The following MYO1E variants were observed in gnomAD, a reference collection of about 807,000 sequenced individuals.
MYO1E encodes myosin IE.
Under a neutral mutation model 151.1 loss-of-function variants are expected in MYO1E, and 68 were observed. That is an observed-to-expected ratio of 0.45 (90% CI 0.37 to 0.55). MYO1E has a LOEUF of 0.55. Ranked by LOEUF, MYO1E falls within the 20% of genes least tolerant of loss-of-function variation. MYO1E has a pLI of 0.00. For synonymous variants in MYO1E, 601 were observed against 501.7 expected (o/e 1.20, Z -2.64); for missense variants, 1,363 against 1,389.3 (o/e 0.98, Z 0.30).
chr15:59,176,186 G>C (rs1319735634), intron 19 of MYO1E, among the ~76,000 whole-genome samples: 2 of 152,120 alleles, frequency 1.3e-5, no homozygotes, highest in Non-Finnish European at 2.9e-5. Context: ...AGCCACCTGA[G>C]TAGCTGGGAC....
intron 16 of MYO1E, among the ~76,000 whole-genome samples, chr15:59,196,304 A>C (rs1371103083): frequency 2.0e-5 from 3 of 152,174 alleles, no homozygotes; most frequent in African/African-American, 7.2e-5. Flanking sequence ...CAAGCAGAAA[A>C]AGCCACATAA....
At chr15:59,167,317 G>A (rs1290280055) in intron 22 of MYO1E, among the ~76,000 whole-genome samples, 2 of 152,068 alleles carry the variant, frequency 1.3e-5, no homozygotes, top group African/African-American at 4.8e-5. Flanking sequence ...CATCCTTCTG[G>A]TGATCAGCCA....
chr15:59,184,564 T>C (rs1197023853), intron 18 of MYO1E, among the ~76,000 whole-genome samples: 2 of 152,022 alleles, frequency 1.3e-5, no homozygotes, highest in African/African-American at 2.4e-5. Context: ...TTTCACCACG[T>C]TGGCCAGGCT....
At chr15:59,141,212 G>A (rs2079407021) in intron 26 of MYO1E, among the ~76,000 whole-genome samples, 1 of 152,008 alleles carries the variant, frequency 6.6e-6, no homozygotes, top group South Asian at 2.1e-4. Flanking sequence ...CCACAGAACT[G>A]GGCTACAAGT....
At chr15:59,277,810 T>C (rs888057989) in intron 1 of MYO1E, among the ~76,000 whole-genome samples, 2 of 152,204 alleles carry the variant, frequency 1.3e-5, no homozygotes, top group African/African-American at 4.8e-5. Context: ...TACTGTTTCA[T>C]TGAAAGAGTA....
At chr15:59,155,382 C>T (rs2087123) in intron 25 of MYO1E, among the ~76,000 whole-genome samples, 31,421 of 152,086 alleles carry the variant, frequency 0.21, 3,956 homozygotes, top group African/African-American at 0.36. Flanking sequence ...CATACAAATA[C>T]ATGGTTTGTG....
chr15:59,206,996 CG>C, intron 14 of MYO1E: 1 of 1,614,142 alleles, frequency 6.2e-7, no homozygotes, highest in Non-Finnish European at 8.5e-7. Context: ...TCGGTGGGAG[CG>C]AATTTCCTAT....
Position 59,171,965 on chromosome 15 carries a change from G to A in MYO1E, c.2412C>T (p.Asp804=), listed in dbSNP as rs773010852. ...TCAGGACTTCTTTCACCAGGCCCTT[G>A]TCTGGGCCCTGTTTGACTTTTTCTC... is the stretch of plus-strand genomic sequence containing the variant. The part of the protein sequence containing the change: ...IGREKVKQGP[D]KGLVKEVLKR... Residue 804 remains aspartate (D), a synonymous_variant, in exon 22 of 28, where the codon GAC becomes GAT. Coordinates refer to ENST00000288235, the MANE Select transcript of MYO1E (RefSeq NM_004998.4). The A allele has an allele frequency of 6.2e-7, 1 of 1,614,198 alleles. No individual in the cohort carries two copies. Among genetic ancestry groups the A allele is most frequent in the Non-Finnish European group, 8.5e-7 (1 of 1,180,032 alleles).
intron 4 of MYO1E, among the ~76,000 whole-genome samples, chr15:59,238,714 G>T (rs1190598489): frequency 1.3e-5 from 2 of 151,878 alleles, no homozygotes; most frequent in Non-Finnish European, 2.9e-5. Context: ...TGGGATTACA[G>T]GTGTGCACCA....
chr15:59,174,264 G>C (rs1399805543), intron 19 of MYO1E, 24 bp from the exon 20 acceptor site: 1 of 1,549,006 alleles, frequency 6.5e-7, no homozygotes, highest in Middle Eastern at 1.7e-4. Flanking sequence ...GAAGACAAAT[G>C]TGAGCCAAGC....
intron 4 of MYO1E, among the ~76,000 whole-genome samples, chr15:59,241,641 T>C (rs946670010): frequency 6.6e-6 from 1 of 151,992 alleles, no homozygotes; most frequent in African/African-American, 2.4e-5. Context: ...GGGACAGAGG[T>C]TGCAGTGAGC....
chr15:59,135,346 G>GGCTT lies in MYO1E; in HGVS notation c.*2030_*2033dup, dbSNP rs2079366009. On this transcript the variant is annotated 3_prime_UTR_variant, in exon 28 of 28. Coordinates refer to ENST00000288235, the MANE Select transcript of MYO1E (RefSeq NM_004998.4). ...CAAAGGCTTGTCCCAGCCAGCCAGG[G>GGCTT]GCTTATGATAACAAGGGAAGATGGT... 1 of 151,846 alleles carries GGCTT rather than the reference G, an allele frequency of 6.6e-6. No individual in the cohort carries two copies. Among genetic ancestry groups the GGCTT allele is most frequent in the Non-Finnish European group, 1.5e-5 (1 of 68,046 alleles). 9.4% of individuals were successfully genotyped at this position (151,846 alleles called of 1,614,324 possible).
In MYO1E at chr15:59,135,587, A is replaced by AAGT. The variant is rs2079367512; in HGVS notation, c.*1790_*1792dup. On this transcript the variant is annotated 3_prime_UTR_variant, in exon 28 of 28. Coordinates refer to ENST00000288235, the MANE Select transcript of MYO1E (RefSeq NM_004998.4). ...CCTCTCTGGTCGCAACATGGAACTG[A>AAGT]AGTAGCCTTTTAACATTATTCGTTA... The AAGT allele has an allele frequency of 6.6e-6, 1 of 152,246 alleles. No individual in the cohort carries two copies. Among genetic ancestry groups the AAGT allele is most frequent in the Non-Finnish European group, 1.5e-5 (1 of 68,048 alleles). The allele number at this position is 152,246 out of a possible 1,614,324, so 9.4% of individuals were successfully genotyped here. A position where few individuals can be genotyped will look rare whatever the true frequency, so the allele number is the denominator to read the frequency against.
chr15:59,148,120 T>C (rs1305935853), intron 26 of MYO1E, among the ~76,000 whole-genome samples: 4 of 152,174 alleles, frequency 2.6e-5, no homozygotes, highest in African/African-American at 9.7e-5. Flanking sequence ...AAGAAAACCC[T>C]GAGGAGTGGG....
intron 1 of MYO1E, among the ~76,000 whole-genome samples, chr15:59,288,416 A>C (rs950968646): frequency 2.0e-5 from 3 of 152,158 alleles, no homozygotes; most frequent in African/African-American, 7.2e-5. Context: ...GGTTCAAGCG[A>C]TCTTCCTGCC....
chr15:59,162,856 C>A (rs2079545703), intron 23 of MYO1E, among the ~76,000 whole-genome samples: 2 of 152,214 alleles, frequency 1.3e-5, no homozygotes, highest in South Asian at 2.1e-4. Context: ...ATTAAAAAAA[C>A]CCTTTTTTGG....
At chr15:59,215,952 G>A (rs1424595340) in intron 10 of MYO1E, among the ~76,000 whole-genome samples, 1 of 152,024 alleles carries the variant, frequency 6.6e-6, no homozygotes, top group Non-Finnish European at 1.5e-5. Flanking sequence ...GTAAAATGAG[G>A]GGTCTGGACA....
At chr15:59,189,954 C>T (rs1196428467) in intron 17 of MYO1E, among the ~76,000 whole-genome samples, 1 of 152,234 alleles carries the variant, frequency 6.6e-6, no homozygotes. Flanking sequence ...CCATGCCCCA[C>T]ACCTTGGGGA....
At chr15:59,180,837 T>C (rs2079654245) in intron 18 of MYO1E, among the ~76,000 whole-genome samples, 1 of 152,206 alleles carries the variant, frequency 6.6e-6, no homozygotes, top group Admixed American at 6.5e-5. Flanking sequence ...CTGGTGCCTG[T>C]GATAATTTTG....
Sources: allele counts gnomAD v4.1 joint callset (sites outside exome capture counted in the v4.1 genomes callset), GRCh38; gene constraint gnomAD v4.1.1; transcripts MANE v1.5; gene names NCBI Gene and HGNC (gene_info 2026-07-23, HGNC 2026-07-21).